CDKN2A: variants seen among roughly 807,000 people sequenced by gnomAD.
CDKN2A encodes the protein cyclin dependent kinase inhibitor 2A.
In CDKN2A, 3 loss-of-function variants were observed where a neutral mutation model predicts 11.1. That is an observed-to-expected ratio of 0.27 (90% confidence interval 0.12 to 0.70). CDKN2A has a LOEUF of 0.70. CDKN2A is among the 30% of genes least tolerant of loss of function. CDKN2A has a pLI of 0.77. For synonymous variants in CDKN2A, 122 were observed against 108.1 expected (o/e 1.13, Z -0.80); for missense variants, 265 against 233.6 (o/e 1.13, Z -0.88).
chr9:21,989,895 A>G (rs537937577), intron 2 of CDKN2A: 1 of 152,380 alleles, frequency 6.6e-6, no homozygotes, highest in East Asian at 1.9e-4. Context: ...CCTAGCGTCT[A>G]AATTCTTGTT....
chr9:21,992,237 CATA>C (rs1300447111), intron 2 of CDKN2A: 1 of 942,336 alleles, frequency 1.1e-6, no homozygotes, highest in Non-Finnish European at 1.3e-6. Flanking sequence ...TGAATCCTAA[CATA>C]ATTAGTATCC....
At chr9:21,993,272 T>C (rs1820477088) in intron 2 of CDKN2A, among the ~76,000 whole-genome samples, 1 of 152,220 alleles carries the variant, frequency 6.6e-6, no homozygotes, top group African/African-American at 2.4e-5. Context: ...TCTTTCAGTT[T>C]TCCTGGTTAT....
rs1819512349 is a variant in CDKN2A, at chr9:21,968,345, T to A, written c.458-103A>T. 3.9e-6 allele frequency: 6 copies of A among 1,533,226 alleles called. No individual in the cohort carries two copies. Among genetic ancestry groups the A allele is most frequent in the Non-Finnish European group, 5.4e-6 (6 of 1,115,962 alleles). 95.0% of individuals were successfully genotyped at this position (1,533,226 alleles called of 1,614,324 possible). On this transcript the variant is annotated intron_variant, in intron 2 of 2. Coordinates refer to ENST00000304494, the MANE Select transcript of CDKN2A (RefSeq NM_000077.5). This position sits in a 1 kb window ranked among gnomAD's most constrained non-coding sequence, Gnocchi z 4.7. ...CCGTCCCTACCGGCATTGAAATACT[T>A]ATGGATAAAGTTCTCGCAATGGCTT... is the stretch of plus-strand genomic sequence containing the variant.
In CDKN2A at chr9:21,994,490, C is replaced by T. The variant is rs745927507; in HGVS notation, c.-176+331G>A. On this transcript the variant is annotated intron_variant, in intron 1 of 3. Coordinates refer to the CDKN2A transcript ENST00000494262. ...CAGGCGCGCACCCGCCTTCCCTGAG[C>T]GCGCCCGCCCCCCACCTTCACCCCC... The T allele has an allele frequency of 5.2e-5, 75 of 1,451,880 alleles. 1 individual carries two copies. The South Asian group carries it at 9.7e-4, about 19-fold the overall frequency. 89.9% of individuals were successfully genotyped at this position (1,451,880 alleles called of 1,614,324 possible). A position where few individuals can be genotyped will look rare whatever the true frequency, so the allele number is the denominator to read the frequency against.
upstream of CDKN2A, chr9:21,974,917 C>T (rs2131115116): frequency 7.0e-7 from 1 of 1,435,056 alleles, no homozygotes; most frequent in Non-Finnish European, 9.1e-7. The surrounding 1 kb of genome is among the most constrained non-coding windows in gnomAD (Gnocchi z 5.2). Flanking sequence ...ACCAGCCAGC[C>T]CCTCCTCTTT....
intron 1 of CDKN2A, chr9:21,994,514 C>A: frequency 1.5e-6 from 2 of 1,339,020 alleles, no homozygotes; most frequent in African/African-American, 1.6e-5. Flanking sequence ...ACCTTCACCC[C>A]CACCCCCACC....
intron 1 of CDKN2A, among the ~76,000 whole-genome samples, chr9:21,972,941 C>A (rs1819838969): frequency 6.6e-6 from 1 of 152,082 alleles, no homozygotes. Flanking sequence ...CATAATTTGC[C>A]TAAATCAAGG....
intron 2 of CDKN2A, among the ~76,000 whole-genome samples, chr9:21,992,729 A>G (rs1820456111): frequency 6.6e-6 from 1 of 151,982 alleles, no homozygotes. Flanking sequence ...ATAGAATAAT[A>G]TTAACTAGAG....
chr9:21,971,248 C>A, intron 1 of CDKN2A, 40 bp from the exon 2 acceptor site: 1 of 1,580,726 alleles, frequency 6.3e-7, no homozygotes, highest in Non-Finnish European at 8.5e-7. Context: ...AGGGTGGGGG[C>A]CGGCATGACG....
At chr9:21,993,828 TG>T (rs1312017906) in intron 2 of CDKN2A, 2 of 478,680 alleles carry the variant, frequency 4.2e-6, no homozygotes, top group African/African-American at 3.9e-5. Flanking sequence ...TGTGTGTGTG[TG>T]TGTGTGTGTG....
At chr9:21,973,305 T>C (rs1382447812) in intron 1 of CDKN2A, among the ~76,000 whole-genome samples, 4 of 152,226 alleles carry the variant, frequency 2.6e-5, no homozygotes, top group Non-Finnish European at 5.9e-5. Context: ...TTTGATAATA[T>C]ACTAATATGA....
intron 1 of CDKN2A, chr9:21,971,432 G>C (rs867342271): frequency 1.4e-6 from 2 of 1,384,754 alleles, no homozygotes; most frequent in South Asian, 1.5e-5. Flanking sequence ...CGGAGCTGTC[G>C]TCACAGGCAG....
chr9:21,979,909 G>C (rs1820133158), intron 2 of CDKN2A, among the ~76,000 whole-genome samples: 1 of 152,102 alleles, frequency 6.6e-6, no homozygotes, highest in African/African-American at 2.4e-5. Context: ...TCAAAGACTA[G>C]TCATAATAGA....
exon 2 of CDKN2A, chr9:21,994,015 C>A: frequency 3.7e-6 from 4 of 1,077,840 alleles, no homozygotes; most frequent in East Asian, 2.6e-5. Flanking sequence ...AATGGGGAAG[C>A]CTCCACCGGC....
At chr9:21,978,525 T>A (rs912571833), upstream of CDKN2A, among the ~76,000 whole-genome samples, 2 of 152,156 alleles carry the variant, frequency 1.3e-5, no homozygotes, top group Non-Finnish European at 2.9e-5. Context: ...TCCAAAAGCT[T>A]TTAATGTAAA....
intron 1 of CDKN2A, among the ~76,000 whole-genome samples, chr9:21,972,405 G>A (rs1039646030): frequency 6.6e-6 from 1 of 152,014 alleles, no homozygotes; most frequent in African/African-American, 2.4e-5. Context: ...TTTATTAGAG[G>A]GTCACAGTCA....
At position 21,974,353 on chromosome 9, in the gene CDKN2A, TC is replaced by T. The variant is rs1819920129; in HGVS notation, c.150+324del. ...AGCACATCTTACATTTCTTTAAGAC[TC>T]CCTTTTTATCCCAAACGTTCGTAAA... On this transcript the variant is annotated intron_variant, in intron 1 of 2. Transcript: ENST00000304494. The surrounding 1 kb of genome is among the most constrained non-coding windows in gnomAD (Gnocchi z 5.2). 1.4e-6 allele frequency: 2 copies of T among 1,471,582 alleles called. No homozygotes were observed. Among genetic ancestry groups the T allele is most frequent in the Non-Finnish European group, 1.8e-6 (2 of 1,098,170 alleles). The allele number at this position is 1,471,582 out of a possible 1,614,324, so 91.2% of individuals were successfully genotyped here.
At chr9:21,979,522 G>C (rs1820125656), upstream of CDKN2A, among the ~76,000 whole-genome samples, 1 of 152,168 alleles carries the variant, frequency 6.6e-6, no homozygotes, top group African/African-American at 2.4e-5. Flanking sequence ...AAATAATGAA[G>C]AAATAGAACT....
upstream of CDKN2A, among the ~76,000 whole-genome samples, chr9:21,975,920 G>C (rs576355834): frequency 6.6e-6 from 1 of 152,150 alleles, no homozygotes; most frequent in Non-Finnish European, 1.5e-5. Flanking sequence ...AGGGGGAAGG[G>C]AATATGAGTG....
Sources: allele counts gnomAD v4.1 joint callset (sites outside exome capture counted in the v4.1 genomes callset), GRCh38; gene constraint gnomAD v4.1.1; non-coding constraint Gnocchi (gnomAD v3.1); transcripts MANE v1.5; gene names NCBI Gene and HGNC (gene_info 2026-07-23, HGNC 2026-07-21).